ZNF578: variants seen among roughly 807,000 people sequenced by gnomAD.
The protein encoded by ZNF578 is Putative chemokine-related protein B42.
A neutral mutation model predicts 8.3 loss-of-function variants in ZNF578; 8 were observed. That is an observed-to-expected ratio of 0.96 (90% CI 0.56 to 1.74). The LOEUF is 1.74. Among genes scored for constraint, ZNF578 ranks in the 40% most tolerant of loss-of-function variants. The pLI is 0.00. For missense variants in ZNF578, 726 were observed against 707.5 expected, an observed-to-expected ratio of 1.03 and a Z score of -0.30; for synonymous variants, 206 against 232.2, an observed-to-expected ratio of 0.89 and a Z score of 1.03.
chr19:52,506,271 T>G (rs1415940250), intron 5 of ZNF578, among the ~76,000 whole-genome samples: 1 of 152,056 alleles, frequency 6.6e-6, no homozygotes, highest in Non-Finnish European at 1.5e-5. Flanking sequence ...CATGTATTTA[T>G]CTGTCGATGG....
intron 2 of ZNF578, among the ~76,000 whole-genome samples, chr19:52,462,718 C>CA (rs2059262715): frequency 1.9e-5 from 1 of 53,856 alleles, no homozygotes; most frequent in Non-Finnish European, 5.2e-5. Flanking sequence ...CTGAAATGTT[C>CA]ATTTGAGCCA....
intron 3 of ZNF578, among the ~76,000 whole-genome samples, chr19:52,494,003 G>A (rs1468565950): frequency 6.7e-6 from 1 of 149,718 alleles, no homozygotes; most frequent in African/African-American, 2.4e-5. Flanking sequence ...AAAAAAAAGT[G>A]GTTAAATAAG....
chr19:52,473,726 C>A, intron 2 of ZNF578: 1 of 261,408 alleles, frequency 3.8e-6, no homozygotes. Context: ...ACATTCCTTA[C>A]ATGTATAAGG....
At position 52,510,623 on chromosome 19, in the gene ZNF578, A is replaced by T. The variant is rs113596190; in HGVS notation, c.242A>T (p.Asn81Ile). The T allele has an allele frequency of 1.5e-5, 24 of 1,594,880 alleles. No homozygotes were observed. Among genetic ancestry groups the T allele is most frequent in the Non-Finnish European group, 2.0e-5 (23 of 1,171,872 alleles). Residue 81 changes from asparagine to isoleucine, a missense_variant, in exon 6 of 6, where the codon AAT (asparagine) becomes ATT (isoleucine). Transcript: ENST00000421239. ...GAGGTCTTGTCAACAGGGCAAGGCA[A>T]TACAGAAGTGATCCACACAGGGATG... ...MKEVLSTGQG[N>I]TEVIHTGMLQ...
At chr19:52,475,216 A>T in intron 2 of ZNF578, 1 of 224,392 alleles carries the variant, frequency 4.5e-6, no homozygotes, top group Non-Finnish European at 9.6e-6. Context: ...TGCCATGCTC[A>T]TTACATTCAT....
intron 5 of ZNF578, among the ~76,000 whole-genome samples, chr19:52,509,622 CCAGT>C (rs1296336205): frequency 1.3e-5 from 2 of 152,022 alleles, no homozygotes; most frequent in African/African-American, 2.4e-5. Context: ...CACAAACTAG[CCAGT>C]CATAGTGGTG....
chr19:52,505,612 G>T (rs536161136), intron 5 of ZNF578, among the ~76,000 whole-genome samples: 1 of 151,964 alleles, frequency 6.6e-6, no homozygotes, highest in African/African-American at 2.4e-5. Context: ...TTTTAGTAGA[G>T]ACGGGGTTTC....
intron 2 of ZNF578, among the ~76,000 whole-genome samples, chr19:52,470,913 G>A (rs1271930052): frequency 6.6e-6 from 1 of 152,124 alleles, no homozygotes; most frequent in African/African-American, 2.4e-5. Flanking sequence ...CTGGTGGGAG[G>A]TGATTTGATC....
At chr19:52,457,387 T>G (rs565473742) in intron 2 of ZNF578, 1 of 152,348 alleles carries the variant, frequency 6.6e-6, no homozygotes, top group South Asian at 2.1e-4. Context: ...TTGCTGTAGG[T>G]GCCTCTTCGT....
At chr19:52,454,335 T>A (rs2059232607) in intron 1 of ZNF578, 1 of 152,214 alleles carries the variant, frequency 6.6e-6, no homozygotes, top group East Asian at 1.9e-4. Context: ...AGACATCAAC[T>A]CGGTGTCCCA....
At chr19:52,473,776 TG>T in intron 2 of ZNF578, 1 of 314,516 alleles carries the variant, frequency 3.2e-6, no homozygotes, top group South Asian at 8.8e-5. Flanking sequence ...CAGTGAGGCT[TG>T]AATGCCCACC....
chr19:52,512,461 C>A lies in ZNF578; in HGVS notation c.*307C>A. On this transcript the variant is annotated 3_prime_UTR_variant, in exon 6 of 6. Coordinates refer to ENST00000421239, the MANE Select transcript of ZNF578 (RefSeq NM_001099694.2). ...TAAATGTGGCAAATTTTTCAGACATCGTTCATACCTTGCAGTTCATCAGTG... is the reference window on the plus strand; with the variant it reads ...TAAATGTGGCAAATTTTTCAGACATAGTTCATACCTTGCAGTTCATCAGTG... 7.5e-7 allele frequency: 1 copy of A among 1,327,492 alleles called. No homozygotes were observed. The highest frequency in any genetic ancestry group is 1.4e-5 in the African/African-American group (1 of 69,030). 82.2% of individuals were successfully genotyped at this position (1,327,492 alleles called of 1,614,324 possible). A position where few individuals can be genotyped will look rare whatever the true frequency, so the allele number is the denominator to read the frequency against.
At chr19:52,493,223 G>A (rs2059372795) in intron 3 of ZNF578, among the ~76,000 whole-genome samples, 1 of 152,216 alleles carries the variant, frequency 6.6e-6, no homozygotes, top group South Asian at 2.1e-4. Context: ...ACAGCGCCCC[G>A]GGCCCAGTCC....
At chr19:52,458,785 T>A (rs1335298976) in intron 2 of ZNF578, 1 of 152,134 alleles carries the variant, frequency 6.6e-6, no homozygotes, top group Non-Finnish European at 1.5e-5. Flanking sequence ...CCTTGCATGA[T>A]TATGAAGTAC....
chr19:52,475,360 T>C, intron 2 of ZNF578: 1 of 161,844 alleles, frequency 6.2e-6, no homozygotes, highest in Admixed American at 6.3e-5. Flanking sequence ...TTTCTTTTTT[T>C]TTTTTTTTTG....
At chr19:52,478,650 C>G (rs559631929) in intron 2 of ZNF578, among the ~76,000 whole-genome samples, 1 of 152,256 alleles carries the variant, frequency 6.6e-6, no homozygotes, top group Admixed American at 6.5e-5. Context: ...GAACAAAACT[C>G]CAAGTGGAGA....
intron 2 of ZNF578, among the ~76,000 whole-genome samples, chr19:52,488,081 A>G (rs1215570253): frequency 6.6e-6 from 1 of 151,746 alleles, no homozygotes. Flanking sequence ...CAGCCTCAGT[A>G]GCTGGGATTA....
rs1463522606 is a variant in ZNF578, at chr19:52,514,772, C to G, written c.*2618C>G. The stretch of plus-strand genomic sequence containing the variant: ...CTACCTCCTTGGATCAAGTGATGCT[C>G]CTGCCTCAGTCTCCTGAGGAGCTGG... On this transcript the variant is annotated 3_prime_UTR_variant, in exon 6 of 6. Coordinates refer to ENST00000421239, the MANE Select transcript of ZNF578 (RefSeq NM_001099694.2). 2.6e-5 allele frequency among the ~76,000 whole-genome samples: 4 copies of G among 151,884 alleles called. No individual in the cohort carries two copies. Among genetic ancestry groups the G allele is most frequent in the Non-Finnish European group, 5.9e-5 (4 of 68,000 alleles).
chr19:52,509,023 T>C (rs1378461253), intron 5 of ZNF578, among the ~76,000 whole-genome samples: 1 of 146,176 alleles, frequency 6.8e-6, no homozygotes, highest in Non-Finnish European at 1.5e-5. Flanking sequence ...TGCCTCAGCC[T>C]CCAAAGTAGC....
Sources: gnomAD v4.1 joint callset for allele counts (sites outside exome capture counted in the v4.1 genomes callset) on GRCh38, gnomAD v4.1.1 for gene constraint, MANE v1.5 for transcripts, NCBI Gene and HGNC (gene_info 2026-07-23, HGNC 2026-07-21) for gene names.